Variants in CADM2 observed in about 807,000 individuals in gnomAD.
The protein encoded by CADM2 is immunoglobulin superfamily member 4D.
In CADM2, 12 loss-of-function variants were observed where a neutral mutation model predicts 49.8. That is an observed-to-expected ratio of 0.24 (90% CI 0.15 to 0.39). CADM2 has a LOEUF of 0.39. Among genes scored for constraint, CADM2 ranks in the 10% least tolerant of loss-of-function variants. The pLI, the probability that CADM2 is intolerant of heterozygous loss-of-function variation, is 1.00. For missense variants in CADM2, 378 were observed against 492.3 expected (o/e 0.77, Z 2.20); for synonymous variants, 214 against 175.4 (o/e 1.22, Z -1.74).
intron 1 of CADM2, among the ~76,000 whole-genome samples, chr3:85,504,510 G>T (rs1460978755): frequency 6.6e-6 from 1 of 152,198 alleles, no homozygotes; most frequent in Non-Finnish European, 1.5e-5. Flanking sequence ...GTAGAGCCGA[G>T]TGGTCTGTTT....
chr3:85,998,086 G>A (rs1577902835), intron 8 of CADM2, among the ~76,000 whole-genome samples: 1 of 152,094 alleles, frequency 6.6e-6, no homozygotes. Context: ...TTTAAGAGAG[G>A]ATTTTTAATA....
intron 1 of CADM2, among the ~76,000 whole-genome samples, chr3:85,719,158 C>T (rs991417665): frequency 5.3e-5 from 8 of 152,064 alleles, no homozygotes; most frequent in Non-Finnish European, 7.4e-5. Context: ...GACAGCATTT[C>T]ATAGCCAAAA....
intron 1 of CADM2, among the ~76,000 whole-genome samples, chr3:85,507,756 T>C (rs1484762811): frequency 6.6e-6 from 1 of 152,178 alleles, no homozygotes; most frequent in Non-Finnish European, 1.5e-5. Flanking sequence ...TTTTTACATA[T>C]CAATATTTTC....
At chr3:85,981,555 G>C (rs1559781023) in intron 8 of CADM2, among the ~76,000 whole-genome samples, 1 of 151,542 alleles carries the variant, frequency 6.6e-6, no homozygotes, top group Non-Finnish European at 1.5e-5. Context: ...TCCCATCCTT[G>C]TGTCCATGTG....
At chr3:85,683,746 C>T (rs2066107345) in intron 1 of CADM2, among the ~76,000 whole-genome samples, 1 of 152,138 alleles carries the variant, frequency 6.6e-6, no homozygotes, top group South Asian at 2.1e-4. Context: ...TGTGCTTTTG[C>T]TATCCTCAGG....
chr3:85,049,731 C>T (rs1217624361), intron 1 of CADM2, among the ~76,000 whole-genome samples: 2 of 152,078 alleles, frequency 1.3e-5, no homozygotes, highest in African/African-American at 4.8e-5. Context: ...ATTTAGATTG[C>T]AGAAAACAGC....
rs141880244 is a variant in CADM2, at chr3:85,711,987, A to G, written c.62-14535A>G. 4.0e-3 allele frequency among the ~76,000 whole-genome samples: 605 copies of G among 152,238 alleles called. 5 individuals are homozygous for G. Among genetic ancestry groups the G allele is most frequent in the African/African-American group, 0.014 (582 of 41,554 alleles). On this transcript the variant is annotated intron_variant, in intron 1 of 9. Coordinates refer to ENST00000383699, the MANE Select transcript of CADM2 (RefSeq NM_001167675.2). ...AGTATGATGTAATCGTCTCACCTTC[A>G]CTCAGTAGCATTGTGAGGTACTGGG...
chr3:85,033,960 T>G (rs2107337327), intron 1 of CADM2, among the ~76,000 whole-genome samples: 1 of 152,296 alleles, frequency 6.6e-6, no homozygotes, highest in South Asian at 2.1e-4. Flanking sequence ...ATATTTATGG[T>G]CATCACGTTT....
intron 1 of CADM2, among the ~76,000 whole-genome samples, chr3:85,605,670 CTT>C (rs954796721): frequency 6.6e-6 from 1 of 152,022 alleles, no homozygotes; most frequent in African/African-American, 2.4e-5. Flanking sequence ...GCTCTATCCT[CTT>C]TATTTAGATG....
At chr3:85,480,763 A>G (rs1200950368) in intron 1 of CADM2, among the ~76,000 whole-genome samples, 1 of 151,850 alleles carries the variant, frequency 6.6e-6, no homozygotes, top group Non-Finnish European at 1.5e-5. Flanking sequence ...TGCTCATTTC[A>G]GTGATTTCAG....
At chr3:85,458,628 G>A (rs2038102776) in intron 1 of CADM2, among the ~76,000 whole-genome samples, 1 of 152,114 alleles carries the variant, frequency 6.6e-6, no homozygotes, top group African/African-American at 2.4e-5. Context: ...GACGAGAGGA[G>A]TGGTTTGAAA....
chr3:85,791,994 A>G (rs1302161040), intron 2 of CADM2, among the ~76,000 whole-genome samples: 1 of 152,150 alleles, frequency 6.6e-6, no homozygotes, highest in South Asian at 2.1e-4. Flanking sequence ...AAGTGCTGGG[A>G]TTACAGGCAT....
intron 1 of CADM2, among the ~76,000 whole-genome samples, chr3:85,494,095 C>T (rs1440370084): frequency 6.6e-6 from 1 of 151,768 alleles, no homozygotes; most frequent in African/African-American, 2.4e-5. Context: ...ATAAACTTTT[C>T]GGATAGGGGA....
intron 8 of CADM2, among the ~76,000 whole-genome samples, chr3:86,034,662 A>G (rs1253590317): frequency 2.0e-5 from 3 of 152,084 alleles, no homozygotes; most frequent in African/African-American, 7.2e-5. Context: ...TTAACTTTTA[A>G]TTCTCTAGCT....
intron 1 of CADM2, among the ~76,000 whole-genome samples, chr3:85,199,610 T>A (rs996919389): frequency 1.3e-5 from 2 of 151,900 alleles, no homozygotes; most frequent in Admixed American, 6.6e-5. Context: ...CAAATTGAAT[T>A]TATAAATCTC....
intron 3 of CADM2, among the ~76,000 whole-genome samples, chr3:85,847,376 A>T (rs1244111895): frequency 1.3e-5 from 2 of 152,226 alleles, no homozygotes; most frequent in South Asian, 4.1e-4. Flanking sequence ...ATTTGCTGGG[A>T]TCACATAGGA....
intron 8 of CADM2, among the ~76,000 whole-genome samples, chr3:86,042,967 A>G (rs1736151908): frequency 6.6e-6 from 1 of 152,204 alleles, no homozygotes; most frequent in African/African-American, 2.4e-5. Flanking sequence ...AAACAGAACC[A>G]AAGACAAAAA....
intron 1 of CADM2, among the ~76,000 whole-genome samples, chr3:85,434,666 C>T (rs979418156): frequency 5.9e-5 from 9 of 152,134 alleles, no homozygotes; most frequent in African/African-American, 9.6e-5. Flanking sequence ...CTTCATTCTA[C>T]GTATTTCTGA....
intron 1 of CADM2, among the ~76,000 whole-genome samples, chr3:85,315,862 T>C (rs1214789355): frequency 6.6e-6 from 1 of 152,142 alleles, no homozygotes; most frequent in Non-Finnish European, 1.5e-5. Context: ...GACACAGTAA[T>C]TCATTATTTA....
Sources: gnomAD v4.1 joint callset for allele counts (sites outside exome capture counted in the v4.1 genomes callset) on GRCh38, gnomAD v4.1.1 for gene constraint, MANE v1.5 for transcripts, NCBI Gene and HGNC (gene_info 2026-07-23, HGNC 2026-07-21) for gene names.